SPON1: variants seen among roughly 807,000 people sequenced by gnomAD.
The protein encoded by SPON1 is spondin-1.
Under a neutral mutation model 111.7 loss-of-function variants are expected in SPON1, and 52 were observed. The observed-to-expected ratio is 0.47, with a 90% CI of 0.37 to 0.59. The LOEUF is 0.59. Among genes scored for constraint, SPON1 ranks in the 20% least tolerant of loss-of-function variants. The pLI is 0.00. For synonymous variants in SPON1, 410 were observed against 395.8 expected, an observed-to-expected ratio of 1.04 and a Z score of -0.43; for missense variants, 957 against 1,068.5, an observed-to-expected ratio of 0.90 and a Z score of 1.46.
intron 3 of SPON1, among the ~76,000 whole-genome samples, chr11:14,058,356 G>A (rs1848763396): frequency 6.6e-6 from 1 of 152,146 alleles, no homozygotes; most frequent in Non-Finnish European, 1.5e-5. Flanking sequence ...CTCGCAGAGT[G>A]GTGGGAAATG....
intron 6 of SPON1, among the ~76,000 whole-genome samples, chr11:14,155,236 C>T (rs192790011): frequency 1.3e-5 from 2 of 152,290 alleles, no homozygotes; most frequent in East Asian, 3.9e-4. Context: ...GTATCTTTGT[C>T]GCAATGCCCC....
At position 14,041,460 on chromosome 11, in the gene SPON1, A is replaced by C. The variant is rs1474436858; in HGVS notation, c.346-61A>C. 3 of 1,586,992 alleles carry C rather than the reference A, an allele frequency of 1.9e-6. No homozygotes were observed. In the African/African-American group the frequency reaches 4.1e-5, roughly 21 times the overall value. On this transcript the variant is annotated intron_variant, in intron 2 of 15. Coordinates refer to ENST00000576479, the MANE Select transcript of SPON1 (RefSeq NM_006108.4). ...TAAAGTTAAGGAAGTACCAACTTAG[A>C]AGCTTAAGCGCCCTCTCAAAATGAT...
intron 6 of SPON1, among the ~76,000 whole-genome samples, chr11:14,194,396 T>C (rs1478071952): frequency 6.6e-6 from 1 of 152,172 alleles, no homozygotes; most frequent in South Asian, 2.1e-4. Context: ...CCAACTTGAA[T>C]GGCAAATGCC....
At chr11:14,063,827 G>T (rs367921061) in intron 3 of SPON1, among the ~76,000 whole-genome samples, 1 of 152,194 alleles carries the variant, frequency 6.6e-6, no homozygotes, top group Admixed American at 6.5e-5. Flanking sequence ...TTCAGCCTCC[G>T]TGGTTCCTTT....
At chr11:14,011,344 G>A (rs1848402989) in intron 2 of SPON1, among the ~76,000 whole-genome samples, 1 of 152,044 alleles carries the variant, frequency 6.6e-6, no homozygotes, top group South Asian at 2.1e-4. Flanking sequence ...ATATAACAAG[G>A]TACTGCGGTT....
At chr11:14,107,244 A>C (rs1225996633) in intron 5 of SPON1, among the ~76,000 whole-genome samples, 3 of 152,166 alleles carry the variant, frequency 2.0e-5, no homozygotes, top group African/African-American at 7.2e-5. Flanking sequence ...TTGAATGTAA[A>C]TTGCATTTGC....
In SPON1 at chr11:14,135,306, G is replaced by T. The variant is rs1036067676; in HGVS notation, c.677-114G>T. On this transcript the variant is annotated intron_variant, in intron 5 of 15. Transcript: ENST00000576479. This position sits in a 1 kb window ranked among gnomAD's most constrained non-coding sequence, Gnocchi z 4.4. ...GCACAGGGCCTAAGACAGAATAGGT[G>T]CTTAGTCAGTGCTCTTTGAATCGAT... The T allele has an allele frequency of 4.9e-5, 58 of 1,194,086 alleles. No homozygotes were observed. The highest frequency in any genetic ancestry group is 6.3e-5 in the Non-Finnish European group (53 of 841,802). 74.0% of individuals were successfully genotyped at this position (1,194,086 alleles called of 1,614,324 possible).
intron 3 of SPON1, among the ~76,000 whole-genome samples, chr11:14,048,832 G>A (rs1554918139): frequency 1.3e-5 from 2 of 152,146 alleles, no homozygotes; most frequent in Non-Finnish European, 2.9e-5. Context: ...TGTTTCCATG[G>A]ATTTGTTACC....
intron 6 of SPON1, among the ~76,000 whole-genome samples, chr11:14,197,648 CAA>C (rs11343423): frequency 3.9e-3 from 473 of 119,850 alleles, no homozygotes; most frequent in African/African-American, 9.0e-3. Flanking sequence ...ACTAAATATA[CAA>C]AAAAAAAAAA....
intron 4 of SPON1, among the ~76,000 whole-genome samples, chr11:14,075,997 A>C (rs1392841309): frequency 6.6e-6 from 1 of 152,196 alleles, no homozygotes. Context: ...CGGGGGATAA[A>C]GCAGAGACCT....
chr11:14,167,170 A>T (rs551419153), intron 6 of SPON1, among the ~76,000 whole-genome samples: 1 of 152,172 alleles, frequency 6.6e-6, no homozygotes, highest in South Asian at 2.1e-4. Flanking sequence ...TTCATATTTG[A>T]TGATGCTTCC....
At chr11:14,073,007 A>G (rs1564898744) in intron 3 of SPON1, among the ~76,000 whole-genome samples, 1 of 150,078 alleles carries the variant, frequency 6.7e-6, no homozygotes, top group African/African-American at 2.4e-5. Context: ...TAGATTTGTG[A>G]TTTTTTTTTT....
At chr11:14,097,818 G>T (rs1302344431) in intron 5 of SPON1, among the ~76,000 whole-genome samples, 1 of 150,924 alleles carries the variant, frequency 6.6e-6, no homozygotes, top group African/African-American at 2.4e-5. Flanking sequence ...TTAATAATTT[G>T]CCTGTAAAAC....
Position 14,079,783 on chromosome 11 carries a change from A to G in SPON1, c.554-116A>G, listed in dbSNP as rs1195196396. On this transcript the variant is annotated intron_variant, in intron 4 of 15. Coordinates refer to ENST00000576479, the MANE Select transcript of SPON1 (RefSeq NM_006108.4). ...ATCTGGCTCTAAGTCTTATTAACTA[A>G]TGAAAGCTGCATCTTCTTTTCCTAA... 3 of 1,121,292 alleles carry G rather than the reference A, an allele frequency of 2.7e-6. No homozygotes were observed. In the African/African-American group the frequency reaches 4.6e-5, roughly 17 times the overall value. The allele number at this position is 1,121,292 out of a possible 1,614,324, so 69.5% of individuals were successfully genotyped here. A position where few individuals can be genotyped will look rare whatever the true frequency, so the allele number is the denominator to read the frequency against.
At chr11:14,232,843 G>A (rs1848817564) in intron 6 of SPON1, among the ~76,000 whole-genome samples, 1 of 152,146 alleles carries the variant, frequency 6.6e-6, no homozygotes, top group South Asian at 2.1e-4. Context: ...TGCTTCCATT[G>A]TATTTTCAGT....
At chr11:14,156,807 A>ATG (rs1847853520) in intron 6 of SPON1, among the ~76,000 whole-genome samples, 1 of 152,058 alleles carries the variant, frequency 6.6e-6, no homozygotes, top group Admixed American at 6.6e-5. Context: ...ATAGTTGTAG[A>ATG]TATGCGGCAT....
At chr11:14,103,381 A>G (rs1591376319) in intron 5 of SPON1, among the ~76,000 whole-genome samples, 2 of 152,164 alleles carry the variant, frequency 1.3e-5, no homozygotes, top group East Asian at 3.9e-4. Context: ...CCCTGAGATT[A>G]TTCTGGCTGG....
chr11:14,246,459 C>T (rs1554940266), intron 7 of SPON1, among the ~76,000 whole-genome samples: 1 of 152,170 alleles, frequency 6.6e-6, no homozygotes, highest in East Asian at 1.9e-4. Flanking sequence ...GTGCTTTTCA[C>T]TATAACACGA....
chr11:14,169,811 T>A (rs1848075476), intron 6 of SPON1, among the ~76,000 whole-genome samples: 1 of 152,194 alleles, frequency 6.6e-6, no homozygotes, highest in African/African-American at 2.4e-5. Context: ...GTTGTAGATA[T>A]GTGGCATTAT....
Sources: allele counts gnomAD v4.1 joint callset (sites outside exome capture counted in the v4.1 genomes callset), GRCh38; gene constraint gnomAD v4.1.1; non-coding constraint Gnocchi (gnomAD v3.1); transcripts MANE v1.5; gene names NCBI Gene and HGNC (gene_info 2026-07-23, HGNC 2026-07-21).